Variants in HM13 observed in about 807,000 individuals in gnomAD.
HM13 encodes the protein histocompatibility minor 13.
HM13 carries 18 observed loss-of-function variants against 50.0 expected under a neutral mutation model. The ratio of observed to expected loss-of-function variants is 0.36; its 90% CI spans 0.25 to 0.53. HM13 has a LOEUF of 0.53. Among genes scored for constraint, HM13 ranks in the 20% least tolerant of loss-of-function variants. The pLI is 0.90. For missense variants in HM13, 393 were observed against 552.4 expected, an observed-to-expected ratio of 0.71 and a Z score of 2.89; for synonymous variants, 197 against 232.6, an observed-to-expected ratio of 0.85 and a Z score of 1.39.
intron 7 of HM13, among the ~76,000 whole-genome samples, chr20:31,551,183 T>C (rs1483475071): frequency 6.6e-6 from 1 of 152,178 alleles, no homozygotes; most frequent in Non-Finnish European, 1.5e-5. Context: ...TCAACCTGTA[T>C]AACTGTCTTT....
At chr20:31,515,271 A>C (rs1981704837) in intron 1 of HM13, among the ~76,000 whole-genome samples, 1 of 152,100 alleles carries the variant, frequency 6.6e-6, no homozygotes, top group Non-Finnish European at 1.5e-5. Context: ...TTATGTGCTC[A>C]CCTAGATCCC....
intron 12 of HM13, 143 bp downstream of exon 12, chr20:31,568,367 G>C: frequency 8.4e-7 from 1 of 1,196,452 alleles, no homozygotes; most frequent in Non-Finnish European, 1.1e-6. Flanking sequence ...CAACCACCAG[G>C]CAGTGGTTGC....
intron 2 of HM13, among the ~76,000 whole-genome samples, chr20:31,530,266 C>G (rs1045170442): frequency 1.3e-5 from 2 of 152,030 alleles, no homozygotes; most frequent in African/African-American, 4.8e-5. Context: ...AACCATAATC[C>G]TCTCCCCAAT....
rs1568782143 is a variant in HM13, at chr20:31,527,624, CTT to C, written c.282+44_282+45del. On this transcript the variant is annotated intron_variant, in intron 2 of 12. Coordinates refer to ENST00000398174, the MANE Select transcript of HM13 (RefSeq NM_178581.3). ...CTGTTGTGTCATTTGATCTAAATGA[CTT>C]TATCTTATTTTGTTTTATTTTTCCC... 4 of 1,327,714 alleles carry C rather than the reference CTT, an allele frequency of 3.0e-6. No homozygotes were observed. In the South Asian group the frequency reaches 3.6e-5, roughly 12 times the overall value. 82.2% of individuals were successfully genotyped at this position (1,327,714 alleles called of 1,614,324 possible). A position where few individuals can be genotyped will look rare whatever the true frequency, so the allele number is the denominator to read the frequency against.
At chr20:31,538,455 T>C in intron 3 of HM13, 194 bp downstream of exon 3, 1 of 1,428,928 alleles carries the variant, frequency 7.0e-7, no homozygotes, top group South Asian at 1.6e-5. Context: ...CACAGTTTCC[T>C]TATAGACATG....
Position 31,514,541 on chromosome 20 carries a change from G to T in HM13, c.-11G>T. 6.2e-7 allele frequency: 1 copy of T among 1,601,782 alleles called. No homozygotes were observed. The highest frequency in any genetic ancestry group is 1.3e-5 in the African/African-American group (1 of 74,866). On this transcript the variant is annotated 5_prime_UTR_variant, in exon 1 of 13. Transcript: ENST00000398174. The surrounding 1 kb of genome is among the most constrained non-coding windows in gnomAD (Gnocchi z 4.3). ...CCGGAGCTGGAGTCGGATCCCGAAC[G>T]CACCCTCGCCATGGACTCGGCCCTC...
intron 8 of HM13, among the ~76,000 whole-genome samples, chr20:31,558,306 C>T (rs147931567): frequency 6.6e-6 from 1 of 152,208 alleles, no homozygotes; most frequent in African/African-American, 2.4e-5. Flanking sequence ...CCTCCTCCCC[C>T]CTCCAGCCAC....
At chr20:31,551,715 G>C (rs1600656620) in intron 7 of HM13, among the ~76,000 whole-genome samples, 1 of 152,188 alleles carries the variant, frequency 6.6e-6, no homozygotes, top group Non-Finnish European at 1.5e-5. Context: ...GCACTGGCTC[G>C]TGGCGACAGG....
chr20:31,538,739 T>G, intron 3 of HM13: 28 of 754,714 alleles, frequency 3.7e-5, no homozygotes, highest in Non-Finnish European at 4.1e-5. Flanking sequence ...TTAATAGCTC[T>G]GTGATCTTGG....
At position 31,524,839 on chromosome 20, in the gene HM13, G is replaced by A. The variant is rs528476714; in HGVS notation, c.184-2645G>A. On this transcript the variant is annotated intron_variant, in intron 1 of 12. Transcript: ENST00000398174. ...TGCCATTCTGCTGCCTCAGCCTCCC[G>A]AGTAGCTGGGACTACAGGCGCCCGC... Among the ~76,000 whole-genome samples, 14 of 149,556 alleles carry A rather than the reference G, an allele frequency of 9.4e-5. 1 individual carries two copies. Among genetic ancestry groups the A allele is most frequent in the African/African-American group, 3.2e-4 (13 of 40,782 alleles).
At chr20:31,538,607 G>A in intron 3 of HM13, 1 of 1,247,166 alleles carries the variant, frequency 8.0e-7, no homozygotes, top group African/African-American at 1.5e-5. Context: ...TGTGTGCTAA[G>A]TGCCATGTTG....
At chr20:31,557,546 C>T (rs1045280507) in intron 8 of HM13, among the ~76,000 whole-genome samples, 6 of 152,178 alleles carry the variant, frequency 3.9e-5, no homozygotes, top group African/African-American at 9.7e-5. Flanking sequence ...AGAAATCAGC[C>T]GCCAGGGGGC....
At position 31,527,606 on chromosome 20, in the gene HM13, G is replaced by A. The variant is rs747216058; in HGVS notation, c.282+24G>A. 8 of 1,485,656 alleles carry A rather than the reference G, an allele frequency of 5.4e-6. No homozygotes were observed. The Admixed American group carries it at 1.4e-4, about 25-fold the overall frequency. 92.0% of individuals were successfully genotyped at this position (1,485,656 alleles called of 1,614,324 possible). ...AAGTAAGTCTTTTGCCACCTGTTGT[G>A]TCATTTGATCTAAATGACTTTATCT... On this transcript the variant is annotated intron_variant, in intron 2 of 12. Transcript: ENST00000398174.
intron 7 of HM13, among the ~76,000 whole-genome samples, chr20:31,554,200 T>A (rs921956964): frequency 1.3e-5 from 2 of 151,336 alleles, no homozygotes; most frequent in Non-Finnish European, 2.9e-5. Flanking sequence ...AATGGGGGGT[T>A]AGGAGTCAAA....
chr20:31,559,607 A>C lies in HM13; in HGVS notation c.809-4A>C, dbSNP rs1984501380. On this transcript the variant is annotated splice_polypyrimidine_tract_variant and splice_region_variant and intron_variant, in intron 8 of 12. Coordinates refer to ENST00000398174, the MANE Select transcript of HM13 (RefSeq NM_178581.3). ...CACTCTCTAACCCCAGCTTTCTCCC[A>C]CAGGGATCTTCATTGCCTTGCTGCT... The C allele has an allele frequency of 6.2e-7, 1 of 1,614,058 alleles. No individual in the cohort carries two copies. Among genetic ancestry groups the C allele is most frequent in the Middle Eastern group, 1.6e-4 (1 of 6,062 alleles).
At chr20:31,565,506 G>C (rs371504347) in intron 10 of HM13, among the ~76,000 whole-genome samples, 3 of 145,442 alleles carry the variant, frequency 2.1e-5, no homozygotes, top group Non-Finnish European at 4.5e-5. Context: ...AAAAAGATTT[G>C]GGTCTCTGAG....
intron 1 of HM13, among the ~76,000 whole-genome samples, chr20:31,524,790 T>C (rs1415819101): frequency 6.8e-6 from 1 of 147,020 alleles, no homozygotes; most frequent in East Asian, 2.2e-4. Flanking sequence ...CTTGGCTCAC[T>C]GCACGCTCCG....
At chr20:31,562,720 T>C (rs1200034418) in intron 10 of HM13, 2 of 152,158 alleles carry the variant, frequency 1.3e-5, no homozygotes, top group African/African-American at 2.4e-5. Flanking sequence ...CTAAACTCTT[T>C]TGCTAATAAC....
intron 8 of HM13, among the ~76,000 whole-genome samples, chr20:31,558,682 T>C (rs920363384): frequency 1.3e-5 from 2 of 151,858 alleles, no homozygotes; most frequent in African/African-American, 4.8e-5. Context: ...AGCCTCCCAA[T>C]AGCTAGAATT....
Sources: gnomAD v4.1 joint callset for allele counts (sites outside exome capture counted in the v4.1 genomes callset) on GRCh38, gnomAD v4.1.1 for gene constraint, Gnocchi (gnomAD v3.1) non-coding constraint, MANE v1.5 for transcripts, NCBI Gene and HGNC (gene_info 2026-07-23, HGNC 2026-07-21) for gene names.